Variants in KCNE1 observed in about 807,000 individuals in gnomAD.
KCNE1 encodes potassium voltage-gated channel subfamily E regulatory subunit 1.
A neutral mutation model predicts 2.9 loss-of-function variants in KCNE1; 1 was observed. The ratio of observed to expected loss-of-function variants is 0.34; its 90% CI spans 0.12 to 1.62. The LOEUF (loss-of-function observed/expected upper bound fraction) is 1.62, where lower values mean the gene tolerates loss of function less well. KCNE1 is among the 40% of genes most tolerant of loss of function. KCNE1 has a pLI of 0.36. For synonymous variants in KCNE1, 23 were observed against 65.4 expected (o/e 0.35, Z 3.13); for missense variants, 45 against 150.5 (o/e 0.30, Z 3.67).
At chr21:34,501,239 A>G (rs1983151390) in intron 2 of KCNE1, among the ~76,000 whole-genome samples, 1 of 152,244 alleles carries the variant, frequency 6.6e-6, no homozygotes, top group Non-Finnish European at 1.5e-5. Flanking sequence ...AGCAGAGAGT[A>G]GGACCGGGTA....
intron 2 of KCNE1, among the ~76,000 whole-genome samples, chr21:34,507,361 C>G (rs901753000): frequency 6.6e-6 from 1 of 152,132 alleles, no homozygotes; most frequent in Non-Finnish European, 1.5e-5. Context: ...GCGTGCTCAT[C>G]ATTGAGACCA....
intron 2 of KCNE1, among the ~76,000 whole-genome samples, chr21:34,507,716 T>C (rs1983584261): frequency 6.6e-6 from 1 of 152,202 alleles, no homozygotes. Flanking sequence ...CCCTGCATTA[T>C]AAGAATGGAG....
chr21:34,506,748 G>T (rs1983511784), intron 2 of KCNE1, among the ~76,000 whole-genome samples: 1 of 152,240 alleles, frequency 6.6e-6, no homozygotes, highest in Non-Finnish European at 1.5e-5. Flanking sequence ...CTGGGGAGAT[G>T]GGCAGGGAAG....
chr21:34,505,156 CAG>C (rs1983404097), intron 2 of KCNE1, among the ~76,000 whole-genome samples: 1 of 152,150 alleles, frequency 6.6e-6, no homozygotes, highest in African/African-American at 2.4e-5. Flanking sequence ...TATTTTGAGA[CAG>C]AGTCTTGCTC....
intron 2 of KCNE1, chr21:34,510,572 AG>A (rs1019720159): frequency 7.9e-5 from 12 of 152,288 alleles, no homozygotes; most frequent in African/African-American, 2.7e-4. Context: ...TTGCTCCAAA[AG>A]CTCCTTCCGG....
At chr21:34,500,426 C>G (rs766019115) in intron 2 of KCNE1, among the ~76,000 whole-genome samples, 2 of 152,194 alleles carry the variant, frequency 1.3e-5, no homozygotes, top group African/African-American at 2.4e-5. Flanking sequence ...GCCATGTTAT[C>G]AGTTTGATAT....
At chr21:34,496,604 C>T (rs942289795) in intron 2 of KCNE1, among the ~76,000 whole-genome samples, 1 of 152,122 alleles carries the variant, frequency 6.6e-6, no homozygotes, top group African/African-American at 2.4e-5. Context: ...GGAGAATATT[C>T]CATGTGCTGA....
At chr21:34,504,440 G>A (rs1201524148) in intron 2 of KCNE1, among the ~76,000 whole-genome samples, 1 of 152,218 alleles carries the variant, frequency 6.6e-6, no homozygotes, top group Admixed American at 6.5e-5. Context: ...GGAGGATGTG[G>A]AGAGATCAGA....
intron 2 of KCNE1, among the ~76,000 whole-genome samples, chr21:34,502,835 C>A (rs1168617691): frequency 1.3e-5 from 2 of 152,246 alleles, no homozygotes; most frequent in African/African-American, 4.8e-5. Context: ...TAAGTCACAG[C>A]AGTTTCCCTT....
Position 34,498,793 on chromosome 21 carries a change from C to T in KCNE1, c.-162+12308G>A, listed in dbSNP as rs779678233. Among the ~76,000 whole-genome samples the T allele has an allele frequency of 7.2e-5, 11 of 152,190 alleles. No individual in the cohort carries two copies. In the South Asian group the frequency reaches 1.4e-3, roughly 20 times the overall value. The stretch of plus-strand genomic sequence containing the variant: ...CTCTTTCCTTGAAGCAGGGTTATTC[C>T]GTCATGAGTTGTTGTAATGTCCTGA... On this transcript the variant is annotated intron_variant, in intron 2 of 3. Transcript: ENST00000399286.
Position 34,511,109 on chromosome 21 carries a change from G to A in KCNE1, c.-170C>T, listed in dbSNP as rs1003872251. ...CAACCCCCTTCTCCTACCAGTTCTC[G>A]TTTCTGAAGTCTCCTCAAGCACACT... On this transcript the variant is annotated 5_prime_UTR_variant, in exon 2 of 4. The change creates a new upstream start codon in the 5' untranslated region. Transcript: ENST00000399286. 31 of 984,232 alleles carry A rather than the reference G, an allele frequency of 3.1e-5. No individual in the cohort carries two copies. The highest frequency in any genetic ancestry group is 6.1e-5 in the Admixed American group (1 of 16,268). The allele number at this position is 984,232 out of a possible 1,614,324, so 61.0% of individuals were successfully genotyped here.
chr21:34,502,834 G>A (rs1349922518), intron 2 of KCNE1, among the ~76,000 whole-genome samples: 3 of 152,224 alleles, frequency 2.0e-5, no homozygotes, highest in Non-Finnish European at 4.4e-5. Flanking sequence ...TTAAGTCACA[G>A]CAGTTTCCCT....
chr21:34,511,312 G>C lies in KCNE1; in HGVS notation c.-373C>G. 1.0e-6 allele frequency: 1 copy of C among 985,558 alleles called. No homozygotes were observed. The highest frequency in any genetic ancestry group is 1.2e-6 in the Non-Finnish European group (1 of 830,014). The allele number at this position is 985,558 out of a possible 1,614,324, so 61.1% of individuals were successfully genotyped here. The stretch of plus-strand genomic sequence containing the variant: ...GGCCGAAGGGCTTGTCTGTTTGGTG[G>C]TTGCTAAGGTTTGAAAAAAGCCAGC... On this transcript the variant is annotated 5_prime_UTR_variant, in exon 2 of 4. Coordinates refer to ENST00000399286, the MANE Select transcript of KCNE1 (RefSeq NM_000219.6).
chr21:34,503,664 C>T lies in KCNE1; in HGVS notation c.-162+7437G>A, dbSNP rs563537067. On this transcript the variant is annotated intron_variant, in intron 2 of 3. Coordinates refer to ENST00000399286, the MANE Select transcript of KCNE1 (RefSeq NM_000219.6). The stretch of plus-strand genomic sequence containing the variant: ...TAGCATACAAAAGACACTCATCACT[C>T]TGGAGACTTCAACTGTATATCAGGA... 2.2e-4 allele frequency among the ~76,000 whole-genome samples: 33 copies of T among 152,298 alleles called. 2 individuals are homozygous for T. The South Asian group carries it at 6.4e-3, about 30-fold the overall frequency.
chr21:34,495,307 C>T (rs12626448), intron 2 of KCNE1, among the ~76,000 whole-genome samples: 42 of 242 alleles, frequency 0.17, 8 homozygotes, highest in East Asian at 0.38. Flanking sequence ...GATTTTTGCA[C>T]CTATGTTCAT....
intron 2 of KCNE1, among the ~76,000 whole-genome samples, chr21:34,509,008 G>A (rs1351073944): frequency 6.6e-6 from 1 of 152,198 alleles, no homozygotes; most frequent in Admixed American, 6.5e-5. Flanking sequence ...CTACTTTGTG[G>A]AGGTTTAAAA....
intron 2 of KCNE1, among the ~76,000 whole-genome samples, chr21:34,501,836 G>T (rs1983187740): frequency 6.6e-6 from 1 of 152,192 alleles, no homozygotes; most frequent in Non-Finnish European, 1.5e-5. Context: ...CAGGACTTCT[G>T]CAGGTTAAAG....
intron 2 of KCNE1, among the ~76,000 whole-genome samples, chr21:34,509,106 G>C (rs775885557): frequency 2.8e-4 from 43 of 152,360 alleles, no homozygotes; most frequent in Non-Finnish European, 5.9e-4. Context: ...CTGCAGGTAC[G>C]GGTTGGCTGG....
rs201563552 is a variant in KCNE1, at chr21:34,495,829, C to CT, written c.-162+15271dup. ...TTTGTTTATCTTTTCAAAGAATCAT[C>CT]TTTTTTGTTTCACTTATCTTTTTGT... is the stretch of plus-strand genomic sequence containing the variant. On this transcript the variant is annotated intron_variant, in intron 2 of 3. Coordinates refer to ENST00000399286, the MANE Select transcript of KCNE1 (RefSeq NM_000219.6). 7.9e-3 allele frequency among the ~76,000 whole-genome samples: 1,197 copies of CT among 152,132 alleles called. 20 individuals carry two copies. The highest frequency in any genetic ancestry group is 0.027 in the African/African-American group (1,130 of 41,522).
Sources: allele counts gnomAD v4.1 joint callset (sites outside exome capture counted in the v4.1 genomes callset), GRCh38; gene constraint gnomAD v4.1.1; transcripts MANE v1.5; gene names NCBI Gene and HGNC (gene_info 2026-07-23, HGNC 2026-07-21).